Variants in EPB41L2 observed in about 807,000 individuals in gnomAD.
EPB41L2 encodes band 4.1-like protein 2.
A neutral mutation model predicts 113.0 loss-of-function variants in EPB41L2; 43 were observed. The observed-to-expected ratio is 0.38, with a 90% CI of 0.30 to 0.49. The LOEUF (loss-of-function observed/expected upper bound fraction) is 0.49. Among genes scored for constraint, EPB41L2 ranks in the 20% least tolerant of loss-of-function variants. The probability of loss-of-function intolerance (pLI) is 0.95; values close to 1 mark genes in which losing one functional copy is unlikely to be tolerated. For missense variants in EPB41L2, 1,147 were observed against 1,223.4 expected (o/e 0.94, Z 0.93); for synonymous variants, 442 against 436.7 (o/e 1.01, Z -0.15).
At chr6:131,046,957 G>A (rs895667175) in intron 1 of EPB41L2, among the ~76,000 whole-genome samples, 3 of 152,102 alleles carry the variant, frequency 2.0e-5, no homozygotes, top group South Asian at 2.1e-4. Flanking sequence ...GTTTGACGTC[G>A]TTTACATATT....
intron 14 of EPB41L2, 184 bp from the exon 15 acceptor site, chr6:130,870,310 A>G (rs534730739): frequency 1.9e-6 from 3 of 1,550,770 alleles, no homozygotes; most frequent in East Asian, 2.4e-5. Context: ...TGGTGTTAAC[A>G]TGGAAAAAGG....
At chr6:130,935,336 T>C (rs987052971) in intron 3 of EPB41L2, among the ~76,000 whole-genome samples, 7 of 152,172 alleles carry the variant, frequency 4.6e-5, no homozygotes, top group African/African-American at 1.4e-4. Flanking sequence ...GTTATATAAG[T>C]AAGGCCCTTA....
intron 19 of EPB41L2, among the ~76,000 whole-genome samples, chr6:130,845,362 CTA>C (rs1225035519): frequency 2.8e-5 from 4 of 143,324 alleles, no homozygotes; most frequent in African/African-American, 1.1e-4. Context: ...AGGAATCAAA[CTA>C]TATTTGAGGT....
intron 1 of EPB41L2, among the ~76,000 whole-genome samples, chr6:130,975,578 GGAA>G (rs1316915021): frequency 6.6e-6 from 1 of 152,158 alleles, no homozygotes; most frequent in Non-Finnish European, 1.5e-5. Flanking sequence ...AAGACAATGA[GGAA>G]GAAGAATTCC....
chr6:130,934,246 G>C (rs1807976523), intron 3 of EPB41L2, among the ~76,000 whole-genome samples: 1 of 151,948 alleles, frequency 6.6e-6, no homozygotes, highest in South Asian at 2.1e-4. Context: ...CAAACCCCAG[G>C]AAAAAGAAAC....
chr6:130,944,325 A>G (rs901111732), intron 3 of EPB41L2, among the ~76,000 whole-genome samples: 7 of 152,202 alleles, frequency 4.6e-5, no homozygotes, highest in African/African-American at 1.4e-4. Context: ...AATGTACAAG[A>G]AAGTACAGGG....
chr6:131,004,630 C>G (rs1214447554), intron 1 of EPB41L2, among the ~76,000 whole-genome samples: 1 of 152,190 alleles, frequency 6.6e-6, no homozygotes, highest in Non-Finnish European at 1.5e-5. Flanking sequence ...TCACACCAGA[C>G]AGTGCAATGC....
chr6:131,045,734 T>C (rs1795316854), intron 1 of EPB41L2, among the ~76,000 whole-genome samples: 1 of 152,168 alleles, frequency 6.6e-6, no homozygotes, highest in African/African-American at 2.4e-5. Context: ...CCCTATAAAC[T>C]TCTGTGAAAT....
chr6:131,051,485 C>G (rs1216767079), intron 1 of EPB41L2, among the ~76,000 whole-genome samples: 13 of 142,778 alleles, frequency 9.1e-5, no homozygotes, highest in Admixed American at 9.0e-4. Flanking sequence ...CACACACACA[C>G]AACAGCAACA....
At chr6:130,957,927 T>C (rs933897298) in intron 1 of EPB41L2, among the ~76,000 whole-genome samples, 3 of 152,240 alleles carry the variant, frequency 2.0e-5, no homozygotes, top group Non-Finnish European at 4.4e-5. Flanking sequence ...CTGGATTGTA[T>C]ACTTTAAAAG....
Position 130,886,059 on chromosome 6 carries a change from G to A in EPB41L2, c.1661-791C>T, listed in dbSNP as rs193197149. Reference sequence around the variant, plus strand: ...TAGGTGGCAGGACCTCTGTCCATCTGTAGCTCCTCCCCAAACAACAGAACT... The same window carrying A: ...TAGGTGGCAGGACCTCTGTCCATCTATAGCTCCTCCCCAAACAACAGAACT... On this transcript the variant is annotated intron_variant, in intron 11 of 19. Transcript: ENST00000337057. 2.7e-3 allele frequency among the ~76,000 whole-genome samples: 411 copies of A among 152,278 alleles called. 9 individuals are homozygous for A. The highest frequency in any genetic ancestry group is 0.024 in the Admixed American group (368 of 15,300).
chr6:131,043,471 A>G (rs1413590959), intron 1 of EPB41L2, among the ~76,000 whole-genome samples: 1 of 152,162 alleles, frequency 6.6e-6, no homozygotes, highest in East Asian at 1.9e-4. Context: ...CTACCAATTC[A>G]TAGGATGAAG....
intron 11 of EPB41L2, among the ~76,000 whole-genome samples, chr6:130,885,615 T>A (rs1009988400): frequency 6.6e-6 from 1 of 152,148 alleles, no homozygotes; most frequent in African/African-American, 2.4e-5. Flanking sequence ...AGCAGTATTT[T>A]AACTCTTTGG....
In EPB41L2 at chr6:131,042,101, G is replaced by C. The variant is rs58130017; in HGVS notation, c.-15+21054C>G. ...AAAACTGGCCATATGGGAGTAATTAGTTGGAAGGCGGGTACGTGGGGATTC... is the reference window on the plus strand; with the variant it reads ...AAAACTGGCCATATGGGAGTAATTACTTGGAAGGCGGGTACGTGGGGATTC... On this transcript the variant is annotated intron_variant, in intron 1 of 19. Coordinates refer to ENST00000337057, the MANE Select transcript of EPB41L2 (RefSeq NM_001431.4). 0.02 allele frequency among the ~76,000 whole-genome samples: 3,094 copies of C among 152,240 alleles called. 204 individuals carry two copies. The East Asian group carries it at 0.27, about 13-fold the overall frequency.
chr6:130,960,106 A>T (rs1232776958), intron 1 of EPB41L2, among the ~76,000 whole-genome samples: 1 of 152,170 alleles, frequency 6.6e-6, no homozygotes, highest in Non-Finnish European at 1.5e-5. Context: ...TGTTTTACAA[A>T]TAATAAACAG....
At chr6:130,991,603 C>A (rs377479595) in intron 1 of EPB41L2, among the ~76,000 whole-genome samples, 1 of 152,200 alleles carries the variant, frequency 6.6e-6, no homozygotes, top group Non-Finnish European at 1.5e-5. Flanking sequence ...AACTCCACTA[C>A]GTATCTACTT....
chr6:130,957,226 A>G (rs1210517518), intron 1 of EPB41L2, among the ~76,000 whole-genome samples: 1 of 152,246 alleles, frequency 6.6e-6, no homozygotes, highest in East Asian at 1.9e-4. Flanking sequence ...GCCATAATCC[A>G]AACCAAATGA....
At position 130,863,708 on chromosome 6, in the gene EPB41L2, C is replaced by G; in HGVS notation, c.2840G>C (p.Gly947Ala). ...TTTHITKTVK[G>A]GISETRIEKR... ...CTCAATTCTTGTTTCAGAAATTCCA[C>G]CTTTTACAGTCTAAAGGTCATAAAG... The change falls in exon 18 of 20, where the codon GGT becomes GCT. Residue 947 changes from glycine (G) to alanine (A), a missense_variant. Transcript: ENST00000337057. The G allele has an allele frequency of 1.2e-6, 2 of 1,612,756 alleles. No individual in the cohort carries two copies. Among genetic ancestry groups the G allele is most frequent in the Non-Finnish European group, 1.7e-6 (2 of 1,178,860 alleles).
rs186506443 is a variant in EPB41L2, at chr6:130,869,821, C to T, written c.2349G>A (p.Pro783=). Residue 783 remains proline, a synonymous_variant, in exon 15 of 20, where the codon CCG becomes CCA. Transcript: ENST00000337057. ...CCTCCCTCTCTACTACCTTGGCTGC[C>T]GGGCGGGGTTCTTCCTCCACCTCTT... ...YEEEVEEEPR[P]AAKVVEREEA... The T allele has an allele frequency of 1.8e-5, 29 of 1,613,750 alleles. No homozygotes were observed. The highest frequency in any genetic ancestry group is 6.7e-5 in the Admixed American group (4 of 59,982).
Sources: allele counts gnomAD v4.1 joint callset (sites outside exome capture counted in the v4.1 genomes callset), GRCh38; gene constraint gnomAD v4.1.1; transcripts MANE v1.5; gene names NCBI Gene and HGNC (gene_info 2026-07-23, HGNC 2026-07-21).